The following CEP112 variants were observed in gnomAD, a reference collection of about 807,000 sequenced individuals.
CEP112 encodes centrosomal protein of 112 kDa.
Under a neutral mutation model 153.0 loss-of-function variants are expected in CEP112, and 127 were observed. That is an observed-to-expected ratio of 0.83 (90% CI 0.72 to 0.96). CEP112 has a LOEUF of 0.96. CEP112 is among the 40% of genes least tolerant of loss of function. The pLI, the probability that CEP112 is intolerant of heterozygous loss-of-function variation, is 0.00. For synonymous variants in CEP112, 358 were observed against 374.4 expected, an observed-to-expected ratio of 0.96 and a Z score of 0.51; for missense variants, 1,089 against 1,101.2, an observed-to-expected ratio of 0.99 and a Z score of 0.16.
intron 20 of CEP112, among the ~76,000 whole-genome samples, chr17:65,895,275 A>G (rs910692114): frequency 5.3e-5 from 8 of 152,064 alleles, no homozygotes; most frequent in Non-Finnish European, 8.8e-5. Context: ...GTTGCATAAG[A>G]GAATGCAATG....
rs1049447211 is a variant in CEP112 at position 65,985,522 on chromosome 17, C to A, written c.1736+20168G>T. ...GATGGCTAAGGTTTTACTATACACT[C>A]CATGAACAAATGGTGCCAGGAATAA... On this transcript the variant is annotated intron_variant, in intron 17 of 26. Coordinates refer to ENST00000535342, the MANE Select transcript of CEP112 (RefSeq NM_001199165.4). 5.9e-5 allele frequency among the ~76,000 whole-genome samples: 9 copies of A among 152,214 alleles called. 1 individual carries two copies. The Middle Eastern group carries it at 0.01, about 173-fold the overall frequency.
chr17:65,817,904 A>G (rs1309713074), intron 21 of CEP112, among the ~76,000 whole-genome samples: 1 of 151,920 alleles, frequency 6.6e-6, no homozygotes, highest in Non-Finnish European at 1.5e-5. Flanking sequence ...TTGAGCTACT[A>G]TGTTGGGGTT....
chr17:66,101,645 G>C (rs1470745031), intron 6 of CEP112, among the ~76,000 whole-genome samples: 2 of 151,186 alleles, frequency 1.3e-5, no homozygotes, highest in Admixed American at 1.3e-4. Flanking sequence ...AAAAAAACTG[G>C]TTTCTTTAAC....
At chr17:65,799,506 A>G (rs1020775132) in intron 21 of CEP112, among the ~76,000 whole-genome samples, 3 of 152,212 alleles carry the variant, frequency 2.0e-5, no homozygotes, top group Non-Finnish European at 4.4e-5. Context: ...GAGGTCTGTG[A>G]GCAGGGAATA....
At chr17:65,647,173 G>GTTTTT (rs771331024) in intron 24 of CEP112, among the ~76,000 whole-genome samples, 28 of 126,566 alleles carry the variant, frequency 2.2e-4, no homozygotes, top group African/African-American at 4.2e-4. Context: ...CTTGATTCTT[G>GTTTTT]TTTTTTTTTT....
intron 19 of CEP112, among the ~76,000 whole-genome samples, chr17:65,905,779 CA>C (rs1254787547): frequency 2.6e-5 from 4 of 151,738 alleles, no homozygotes; most frequent in African/African-American, 9.7e-5. Context: ...AATAAAAAAA[CA>C]AAAACAAAAA....
At chr17:65,867,434 G>A (rs2058523176) in intron 20 of CEP112, among the ~76,000 whole-genome samples, 1 of 152,116 alleles carries the variant, frequency 6.6e-6, no homozygotes, top group Non-Finnish European at 1.5e-5. Flanking sequence ...ACACCCCAAG[G>A]ATCCTGTAAC....
chr17:65,875,478 G>A (rs1360501739), intron 20 of CEP112, among the ~76,000 whole-genome samples: 2 of 152,052 alleles, frequency 1.3e-5, no homozygotes, highest in East Asian at 3.9e-4. Flanking sequence ...TGATGATCGT[G>A]ACCTTAATAC....
chr17:65,847,149 A>C (rs1376668019), intron 21 of CEP112, among the ~76,000 whole-genome samples: 1 of 152,112 alleles, frequency 6.6e-6, no homozygotes, highest in Non-Finnish European at 1.5e-5. Context: ...CCCTTTCCCC[A>C]GACTCTCCCT....
intron 21 of CEP112, among the ~76,000 whole-genome samples, chr17:65,786,139 G>T (rs2054263151): frequency 6.6e-6 from 1 of 151,944 alleles, no homozygotes; most frequent in Non-Finnish European, 1.5e-5. Flanking sequence ...CACTTCTTTT[G>T]TTAAATTCTA....
rs759825168 is a variant in CEP112 at position 66,025,920 on chromosome 17, TACAC to T, written c.1656+1577_1656+1580del. 1.2e-3 allele frequency among the ~76,000 whole-genome samples: 146 copies of T among 124,592 alleles called. 4 individuals carry two copies. The highest frequency in any genetic ancestry group is 0.011 in the South Asian group (41 of 3,612). 81.7% of individuals were successfully genotyped at this position (124,592 alleles called of 152,430 possible). On this transcript the variant is annotated intron_variant, in intron 16 of 26. Transcript: ENST00000535342. ...ATGACTGGATAAAGAAAATGTGGCA[TACAC>T]ACACACACACACACACACACACACA... is the stretch of plus-strand genomic sequence containing the variant.
chr17:65,901,802 T>C (rs1321057537), intron 20 of CEP112, among the ~76,000 whole-genome samples: 4 of 151,710 alleles, frequency 2.6e-5, no homozygotes, highest in African/African-American at 9.7e-5. Flanking sequence ...GTGAGGCTGA[T>C]ATATTTCATA....
At chr17:65,878,884 T>C (rs2058948897) in intron 20 of CEP112, among the ~76,000 whole-genome samples, 1 of 151,648 alleles carries the variant, frequency 6.6e-6, no homozygotes, top group Non-Finnish European at 1.5e-5. Context: ...CAGCTTCTAG[T>C]ATGGCTTCTA....
intron 16 of CEP112, among the ~76,000 whole-genome samples, chr17:66,014,165 C>A (rs2064667766): frequency 6.6e-6 from 1 of 152,164 alleles, no homozygotes; most frequent in South Asian, 2.1e-4. Flanking sequence ...TGGGTGAGTG[C>A]TTGCTGGTAA....
intron 21 of CEP112, among the ~76,000 whole-genome samples, chr17:65,823,420 A>G (rs1209068746): frequency 6.6e-6 from 1 of 152,210 alleles, no homozygotes; most frequent in Non-Finnish European, 1.5e-5. Flanking sequence ...TGCAAAGGCA[A>G]TTCAATGGAG....
intron 11 of CEP112, among the ~76,000 whole-genome samples, chr17:66,062,486 T>C (rs935383845): frequency 1.3e-5 from 2 of 152,122 alleles, no homozygotes; most frequent in African/African-American, 4.8e-5. Context: ...ATAAAGTATC[T>C]ATGTATTGAA....
At chr17:66,142,754 T>C (rs186870617) in intron 4 of CEP112, among the ~76,000 whole-genome samples, 99 of 152,282 alleles carry the variant, frequency 6.5e-4, no homozygotes, top group Non-Finnish European at 1.2e-3. Context: ...TTACTATAGA[T>C]TTGTAATACA....
intron 24 of CEP112, among the ~76,000 whole-genome samples, chr17:65,660,458 CTCTCCT>C (rs1189031271): frequency 3.6e-5 from 2 of 54,894 alleles, no homozygotes; most frequent in African/African-American, 9.4e-5. Context: ...TCTCTTCTCT[CTCTCCT>C]TCCTTCCTTC....
intron 21 of CEP112, among the ~76,000 whole-genome samples, chr17:65,775,794 CG>C (rs1163178011): frequency 1.3e-5 from 2 of 152,136 alleles, no homozygotes; most frequent in East Asian, 1.9e-4. Flanking sequence ...TGAGCCATTG[CG>C]CCCAGCAAAA....
Sources: allele counts gnomAD v4.1 joint callset (sites outside exome capture counted in the v4.1 genomes callset), GRCh38; gene constraint gnomAD v4.1.1; transcripts MANE v1.5; gene names NCBI Gene and HGNC (gene_info 2026-07-23, HGNC 2026-07-21).